The following DLC1 variants were observed in gnomAD, a reference collection of about 807,000 sequenced individuals.
The protein encoded by DLC1 is rho GTPase-activating protein 7.
DLC1 carries 54 observed loss-of-function variants against 140.3 expected under a neutral mutation model. The ratio of observed to expected loss-of-function variants is 0.38; its 90% CI spans 0.31 to 0.48. The LOEUF is 0.48. Ranked by LOEUF, DLC1 falls within the 20% of genes least tolerant of loss-of-function variation. The pLI, the probability that DLC1 is intolerant of heterozygous loss-of-function variation, is 0.96. For missense variants in DLC1, 2,536 were observed against 1,907.0 expected (o/e 1.33, Z -6.14); for synonymous variants, 986 against 728.1 (o/e 1.35, Z -5.70).
intron 1 of DLC1, among the ~76,000 whole-genome samples, chr8:13,596,576 T>A (rs1380633304): frequency 6.6e-6 from 1 of 151,972 alleles, no homozygotes; most frequent in Admixed American, 6.6e-5. Context: ...TTTTAAAGAG[T>A]GCTTGTGCTT....
chr8:13,136,807 T>G (rs975937486), intron 5 of DLC1, among the ~76,000 whole-genome samples: 8 of 152,176 alleles, frequency 5.3e-5, no homozygotes, highest in African/African-American at 1.9e-4. Context: ...AGTGTTGGGA[T>G]TACAGGTGTG....
intron 4 of DLC1, chr8:13,340,890 G>A (rs1468229136): frequency 2.0e-5 from 3 of 152,206 alleles, no homozygotes; most frequent in African/African-American, 4.8e-5. Flanking sequence ...CATCCTCTAT[G>A]GCTGCGCCCA....
intron 5 of DLC1, among the ~76,000 whole-genome samples, chr8:13,180,714 C>A (rs1204753331): frequency 1.3e-5 from 2 of 152,068 alleles, no homozygotes; most frequent in African/African-American, 4.8e-5. Flanking sequence ...CCTTAACATG[C>A]CTATATAATC....
chr8:13,133,284 C>A, intron 5 of DLC1: 1 of 1,295,774 alleles, frequency 7.7e-7, no homozygotes, highest in South Asian at 1.8e-5. Context: ...GCAGTCGGAG[C>A]GAACTGTCTC....
chr8:13,157,669 A>C (rs1459272331), intron 5 of DLC1, among the ~76,000 whole-genome samples: 5 of 152,226 alleles, frequency 3.3e-5, no homozygotes, highest in African/African-American at 1.2e-4. Flanking sequence ...GTCTTCAAAA[A>C]TGCTATCCTG....
intron 1 of DLC1, among the ~76,000 whole-genome samples, chr8:13,568,918 A>G (rs1190644073): frequency 6.6e-6 from 1 of 152,130 alleles, no homozygotes; most frequent in African/African-American, 2.4e-5. Flanking sequence ...GATATAGGGT[A>G]CTCCTTGAAA....
At chr8:13,299,164 T>G (rs1401344168) in intron 5 of DLC1, among the ~76,000 whole-genome samples, 1 of 151,188 alleles carries the variant, frequency 6.6e-6, no homozygotes, top group Non-Finnish European at 1.5e-5. Context: ...AAAATGTGGA[T>G]GGGTGGGGTG....
At chr8:13,574,077 C>T (rs1804755501) in intron 1 of DLC1, among the ~76,000 whole-genome samples, 1 of 152,112 alleles carries the variant, frequency 6.6e-6, no homozygotes, top group African/African-American at 2.4e-5. Context: ...AGAAAATAAT[C>T]TTCTAGAATT....
chr8:13,272,850 G>A (rs986997260), intron 5 of DLC1, among the ~76,000 whole-genome samples: 20 of 152,074 alleles, frequency 1.3e-4, no homozygotes, highest in African/African-American at 4.8e-4. Flanking sequence ...TTCCAACCTG[G>A]GTGACAGAGC....
At chr8:13,163,631 C>G (rs1824884508) in intron 5 of DLC1, among the ~76,000 whole-genome samples, 1 of 152,116 alleles carries the variant, frequency 6.6e-6, no homozygotes, top group Middle Eastern at 3.4e-3. Context: ...CCTACTACTT[C>G]CAGAACAAGG....
chr8:13,162,612 G>T (rs1054209439), intron 5 of DLC1, among the ~76,000 whole-genome samples: 1 of 152,068 alleles, frequency 6.6e-6, no homozygotes, highest in Admixed American at 6.5e-5. Context: ...CGTGAGCCAC[G>T]GCTCCCAGCC....
intron 5 of DLC1, among the ~76,000 whole-genome samples, chr8:13,266,897 C>T (rs1830710425): frequency 6.6e-6 from 1 of 152,204 alleles, no homozygotes; most frequent in South Asian, 2.1e-4. Context: ...TTGGGTTTGG[C>T]TTCATCGCCA....
chr8:13,311,401 G>A (rs577182494), intron 4 of DLC1, among the ~76,000 whole-genome samples: 3 of 152,180 alleles, frequency 2.0e-5, no homozygotes, highest in African/African-American at 7.2e-5. Flanking sequence ...GATCAGAGAA[G>A]ACAATGGAAA....
In DLC1 at chr8:13,544,310, C is replaced by A. The variant is rs573108593; in HGVS notation, c.-125-44114G>T. The stretch of plus-strand genomic sequence containing the variant: ...CAGAGACCAGAAGGTCTTGGAGCAG[C>A]CAAAATAAACATTTTTATCAGTGAT... On this transcript the variant is annotated intron_variant, in intron 1 of 1. Coordinates refer to the DLC1 transcript ENST00000631382. Among the ~76,000 whole-genome samples the A allele has an allele frequency of 3.9e-5, 6 of 152,046 alleles. No individual in the cohort carries two copies. The South Asian group carries it at 1.2e-3, about 32-fold the overall frequency.
At chr8:13,507,518 A>G (rs575169372) in intron 1 of DLC1, among the ~76,000 whole-genome samples, 16 of 152,324 alleles carry the variant, frequency 1.1e-4, no homozygotes, top group South Asian at 2.1e-4. Context: ...TAATAACATG[A>G]TGCAAGAATT....
intron 1 of DLC1, among the ~76,000 whole-genome samples, chr8:13,592,792 A>ATTTTG (rs1327113552): frequency 6.6e-6 from 1 of 151,850 alleles, no homozygotes; most frequent in African/African-American, 2.4e-5. Context: ...AAGCCCTAGG[A>ATTTTG]TTTTGTTTTG....
At chr8:13,102,950 T>G in intron 7 of DLC1, 97 bp from the exon 8 acceptor site, 1 of 1,037,882 alleles carries the variant, frequency 9.6e-7, no homozygotes, top group Non-Finnish European at 1.5e-6. Flanking sequence ...TTTAAGGAGT[T>G]TCTTGAAACT....
At chr8:13,376,541 G>C (rs925043675) in intron 4 of DLC1, among the ~76,000 whole-genome samples, 1 of 152,184 alleles carries the variant, frequency 6.6e-6, no homozygotes, top group African/African-American at 2.4e-5. Context: ...AATATGGTTA[G>C]AGTAGAACGT....
rs1168276167 is a variant in DLC1 at position 13,100,295 on chromosome 8, T to C, written c.2042A>G (p.His681Arg). The change falls in exon 9 of 18, where the codon CAC becomes CGC. Residue 681 changes from histidine (H) to arginine (R), a missense_variant. His to Arg is a conservative substitution (Grantham distance 29). Transcript: ENST00000276297. ...MESLKLKSSH[H>R]SKHKAPSKLG... ...CTTTGAGGGCGCTTTGTGCTTGCTG[T>C]GATGGGAGCTCTTGAGCTTCAGGCT... The C allele has an allele frequency of 6.2e-7, 1 of 1,614,182 alleles. No homozygotes were observed. The highest frequency in any genetic ancestry group is 1.1e-5 in the South Asian group (1 of 91,092).
Sources: allele counts gnomAD v4.1 joint callset (sites outside exome capture counted in the v4.1 genomes callset), GRCh38; gene constraint gnomAD v4.1.1; transcripts MANE v1.5; gene names NCBI Gene and HGNC (gene_info 2026-07-23, HGNC 2026-07-21).